Variants in ATL2 observed in about 807,000 individuals in gnomAD.
The protein encoded by ATL2 is atlastin GTPase 2.
Under a neutral mutation model 73.9 loss-of-function variants are expected in ATL2, and 31 were observed. The observed-to-expected ratio is 0.42, with a 90% CI of 0.32 to 0.57. The LOEUF (loss-of-function observed/expected upper bound fraction) is 0.57. Among genes scored for constraint, ATL2 ranks in the 20% least tolerant of loss-of-function variants. ATL2 has a pLI of 0.14. For missense variants in ATL2, 738 were observed against 702.6 expected, an observed-to-expected ratio of 1.05 and a Z score of -0.57; for synonymous variants, 291 against 237.5, an observed-to-expected ratio of 1.23 and a Z score of -2.07.
At position 38,343,253 on chromosome 2, in the gene ATL2, TAA is replaced by T; in HGVS notation, c.363+13_363+14del. On this transcript the variant is annotated intron_variant, in intron 2 of 12. Transcript: ENST00000378954. ...TTTTTCTTTTTAATTGGGTTCAATT[TAA>T]AAGACTATTCACCTTGTTATACATG... 1 of 1,565,354 alleles carries T rather than the reference TAA, an allele frequency of 6.4e-7. No homozygotes were observed. Among genetic ancestry groups the T allele is most frequent in the Non-Finnish European group, 8.6e-7 (1 of 1,163,926 alleles).
At chr2:38,314,179 A>C (rs1667902917) in intron 6 of ATL2, among the ~76,000 whole-genome samples, 1 of 152,246 alleles carries the variant, frequency 6.6e-6, no homozygotes, top group Admixed American at 6.5e-5. Flanking sequence ...TTGCTTCAAA[A>C]AATAAACTAT....
intron 2 of ATL2, among the ~76,000 whole-genome samples, chr2:38,331,103 C>A (rs1010891839): frequency 2.0e-5 from 3 of 151,992 alleles, no homozygotes; most frequent in Non-Finnish European, 2.9e-5. Flanking sequence ...TCGAGACAAA[C>A]CTGGGCAACA....
intron 9 of ATL2, among the ~76,000 whole-genome samples, chr2:38,301,379 CAACT>C (rs1002470501): frequency 6.6e-6 from 1 of 152,186 alleles, no homozygotes; most frequent in Non-Finnish European, 1.5e-5. Flanking sequence ...ATCAAATTGA[CAACT>C]ATCTACATAA....
At chr2:38,333,257 C>T (rs940303903) in intron 2 of ATL2, among the ~76,000 whole-genome samples, 4 of 150,914 alleles carry the variant, frequency 2.7e-5, no homozygotes, top group African/African-American at 7.3e-5. Context: ...CCTCTTCACT[C>T]CAGCCTGGGC....
intron 1 of ATL2, among the ~76,000 whole-genome samples, chr2:38,349,156 A>G (rs1445100981): frequency 1.3e-5 from 2 of 152,082 alleles, no homozygotes; most frequent in East Asian, 3.9e-4. Flanking sequence ...CATTTGACCC[A>G]GTCATCCCAT....
At chr2:38,323,731 C>T (rs907130458) in intron 2 of ATL2, among the ~76,000 whole-genome samples, 1 of 152,092 alleles carries the variant, frequency 6.6e-6, no homozygotes, top group Non-Finnish European at 1.5e-5. Flanking sequence ...CAGACAGACA[C>T]AGACAGGGTC....
chr2:38,365,070 G>A (rs912590137), intron 1 of ATL2, among the ~76,000 whole-genome samples: 1 of 150,744 alleles, frequency 6.6e-6, no homozygotes, highest in Admixed American at 6.6e-5. Flanking sequence ...TACTTTAAGA[G>A]TTGTAAAGTA....
At chr2:38,343,617 C>T in intron 1 of ATL2, 105 bp from the exon 2 acceptor site, 1 of 863,012 alleles carries the variant, frequency 1.2e-6, no homozygotes, top group Non-Finnish European at 1.7e-6. Context: ...TTGCCCCCTC[C>T]CCCCATTATA....
intron 9 of ATL2, among the ~76,000 whole-genome samples, chr2:38,304,888 A>C (rs1018289463): frequency 1.3e-5 from 2 of 152,188 alleles, no homozygotes; most frequent in Non-Finnish European, 2.9e-5. Flanking sequence ...AACCACCAGA[A>C]AACAGTAACA....
intron 1 of ATL2, among the ~76,000 whole-genome samples, chr2:38,355,804 A>G (rs1374752901): frequency 6.6e-6 from 1 of 151,394 alleles, no homozygotes; most frequent in African/African-American, 2.4e-5. Flanking sequence ...GGTACAAGCA[A>G]TTCTCCTGCC....
chr2:38,309,943 T>C (rs1667656550), intron 8 of ATL2, among the ~76,000 whole-genome samples: 1 of 152,138 alleles, frequency 6.6e-6, no homozygotes, highest in African/African-American at 2.4e-5. Context: ...TCCTACAACA[T>C]ACATAAACTG....
At chr2:38,304,759 C>A (rs1300437107) in intron 9 of ATL2, among the ~76,000 whole-genome samples, 1 of 151,994 alleles carries the variant, frequency 6.6e-6, no homozygotes, top group African/African-American at 2.4e-5. Context: ...TAGTTGCAAA[C>A]CTCATGGTAA....
At chr2:38,334,502 G>C (rs1026987218) in intron 2 of ATL2, among the ~76,000 whole-genome samples, 7 of 151,690 alleles carry the variant, frequency 4.6e-5, no homozygotes, top group African/African-American at 1.7e-4. Flanking sequence ...AGGAGTTCAA[G>C]ACCAGCCTCA....
chr2:38,340,637 T>G (rs555761073), intron 2 of ATL2, among the ~76,000 whole-genome samples: 40 of 152,224 alleles, frequency 2.6e-4, no homozygotes, highest in Non-Finnish European at 5.1e-4. Context: ...TTCTTTCAGC[T>G]AGCATCCCAC....
Position 38,295,907 on chromosome 2 carries a change from G to T in ATL2, c.*87C>A. The T allele has an allele frequency of 8.7e-7, 1 of 1,152,768 alleles. No individual in the cohort carries two copies. Among genetic ancestry groups the T allele is most frequent in the Non-Finnish European group, 1.2e-6 (1 of 818,246 alleles). The allele number at this position is 1,152,768 out of a possible 1,614,324, so 71.4% of individuals were successfully genotyped here. A position where few individuals can be genotyped will look rare whatever the true frequency, so the allele number is the denominator to read the frequency against. On this transcript the variant is annotated 3_prime_UTR_variant, in exon 13 of 13. Coordinates refer to ENST00000378954, the MANE Select transcript of ATL2 (RefSeq NM_001135673.4). Reference sequence around the variant, plus strand: ...CACTAAACTACTTCTACAGTTGATTGTAAACTTTGGTTTATTTTTATTTGA... The same window carrying T: ...CACTAAACTACTTCTACAGTTGATTTTAAACTTTGGTTTATTTTTATTTGA...
chr2:38,361,282 A>T (rs1409674442), intron 1 of ATL2, among the ~76,000 whole-genome samples: 1 of 141,168 alleles, frequency 7.1e-6, no homozygotes, highest in Non-Finnish European at 1.5e-5. Flanking sequence ...TGAACCCGGG[A>T]GGTGGAGCCT....
chr2:38,358,637 A>C (rs1670821405), intron 1 of ATL2: 1 of 213,182 alleles, frequency 4.7e-6, no homozygotes, highest in Admixed American at 5.6e-5. Flanking sequence ...GCTTGCAGTG[A>C]GCCGAGACCG....
intron 1 of ATL2, among the ~76,000 whole-genome samples, chr2:38,364,917 G>A (rs971446561): frequency 2.0e-5 from 3 of 152,054 alleles, no homozygotes; most frequent in Admixed American, 1.3e-4. Flanking sequence ...GGTGGCACAC[G>A]CCTGTAGTCC....
At chr2:38,319,899 G>C (rs1242856172) in intron 2 of ATL2, among the ~76,000 whole-genome samples, 1 of 152,108 alleles carries the variant, frequency 6.6e-6, no homozygotes, top group Non-Finnish European at 1.5e-5. Context: ...CCTGAGGTCA[G>C]GAGTTCGAGA....
Sources: allele counts gnomAD v4.1 joint callset (sites outside exome capture counted in the v4.1 genomes callset), GRCh38; gene constraint gnomAD v4.1.1; transcripts MANE v1.5; gene names NCBI Gene and HGNC (gene_info 2026-07-23, HGNC 2026-07-21).